Variants in EPB41L5 observed in about 807,000 individuals in gnomAD.
EPB41L5 encodes band 4.1-like protein 5.
EPB41L5 carries 55 observed loss-of-function variants against 106.6 expected under a neutral mutation model. The ratio of observed to expected loss-of-function variants is 0.52; its 90% confidence interval spans 0.42 to 0.65. The LOEUF (loss-of-function observed/expected upper bound fraction) is 0.65. Ranked by LOEUF, EPB41L5 falls within the 30% of genes least tolerant of loss-of-function variation. The pLI is 0.00. For missense variants in EPB41L5, 871 were observed against 882.1 expected (o/e 0.99, Z 0.16); for synonymous variants, 297 against 306.7 (o/e 0.97, Z 0.33).
chr2:120,105,421 G>C, intron 16 of EPB41L5: 2 of 984,916 alleles, frequency 2.0e-6, no homozygotes, highest in Non-Finnish European at 2.4e-6. Flanking sequence ...TGCTCACATA[G>C]AGGTTGGTTT....
chr2:120,093,686 A>G (rs1161318529), intron 14 of EPB41L5, among the ~76,000 whole-genome samples: 2 of 152,166 alleles, frequency 1.3e-5, no homozygotes, highest in Non-Finnish European at 2.9e-5. Context: ...GCTGGATTTC[A>G]TTAGCCTGGT....
chr2:120,093,196 A>G (rs1683528005), intron 13 of EPB41L5, 53 bp from the exon 14 acceptor site: 2 of 1,450,954 alleles, frequency 1.4e-6, no homozygotes, highest in Non-Finnish European at 1.9e-6. Context: ...ATAGTGCAGC[A>G]GTTTATCATG....
chr2:120,167,437 G>A, intron 22 of EPB41L5, 29 bp from the exon 23 acceptor site: 2 of 1,596,324 alleles, frequency 1.3e-6, no homozygotes, highest in Non-Finnish European at 1.7e-6. Context: ...TTTCCAAAAA[G>A]TAAATACATA....
At chr2:120,147,194 T>TA (rs1020105097) in intron 20 of EPB41L5, among the ~76,000 whole-genome samples, 19 of 152,030 alleles carry the variant, frequency 1.2e-4, no homozygotes, top group African/African-American at 4.6e-4. Context: ...CAATTAAAAA[T>TA]AAAAAATTAG....
intron 16 of EPB41L5, among the ~76,000 whole-genome samples, chr2:120,122,678 T>G: frequency 6.6e-6 from 1 of 152,218 alleles, no homozygotes; most frequent in Non-Finnish European, 1.5e-5. Context: ...TGGTTCCATA[T>G]GAACTTTAAA....
At chr2:120,085,642 A>G (rs1211230531) in intron 10 of EPB41L5, among the ~76,000 whole-genome samples, 1 of 152,104 alleles carries the variant, frequency 6.6e-6, no homozygotes, top group Admixed American at 6.5e-5. Flanking sequence ...GTAGTATTTC[A>G]TTTAGTTTTG....
intron 24 of EPB41L5, among the ~76,000 whole-genome samples, 197 bp from the exon 25 acceptor site, chr2:120,174,644 A>C (rs1436553312): frequency 6.6e-6 from 1 of 152,232 alleles, no homozygotes; most frequent in Non-Finnish European, 1.5e-5. Flanking sequence ...TTTATTTCAA[A>C]ATGAAATAAG....
At position 120,049,490 on chromosome 2, in the gene EPB41L5, C is replaced by CT. The variant is rs555913522; in HGVS notation, c.285+7389dup. Among the ~76,000 whole-genome samples, 1,180 of 151,274 alleles carry CT rather than the reference C, an allele frequency of 7.8e-3. 12 individuals carry two copies. Among genetic ancestry groups the CT allele is most frequent in the African/African-American group, 0.027 (1,111 of 41,276 alleles). ...TCAGAGAGTAGGATTGCAACCCCTG[C>CT]TTTTTTTTTGTTTTCCATTTGCTTG... is the stretch of plus-strand genomic sequence containing the variant. On this transcript the variant is annotated intron_variant, in intron 3 of 24. Transcript: ENST00000263713.
chr2:120,167,634 T>G lies in EPB41L5; in HGVS notation c.2004+127T>G, dbSNP rs73952057. ...TTATCAAAGCCTTGTTAACTGAACT[T>G]AACTTAATGGCTTCAAGCTAGTGGC... On this transcript the variant is annotated intron_variant, in intron 23 of 24. Transcript: ENST00000263713. 3,715 of 1,103,628 alleles carry G rather than the reference T, an allele frequency of 3.4e-3. 58 individuals are homozygous for G. The African/African-American group carries it at 0.038, about 11-fold the overall frequency. The allele number at this position is 1,103,628 out of a possible 1,614,324, so 68.4% of individuals were successfully genotyped here. A position where few individuals can be genotyped will look rare whatever the true frequency, so the allele number is the denominator to read the frequency against.
At chr2:120,098,276 C>G (rs1683901582) in intron 14 of EPB41L5, among the ~76,000 whole-genome samples, 1 of 151,718 alleles carries the variant, frequency 6.6e-6, no homozygotes, top group Non-Finnish European at 1.5e-5. Context: ...GTGGCATCAT[C>G]ATGGCTCACT....
chr2:120,104,036 C>G, intron 16 of EPB41L5: 3 of 1,507,942 alleles, frequency 2.0e-6, no homozygotes, highest in African/African-American at 1.4e-5. Context: ...AACTGTGCTC[C>G]CCTCCCACTC....
In EPB41L5 at chr2:120,125,389, A is replaced by G. The variant is rs142173812; in HGVS notation, c.1338-2299A>G. ...GCCCCAGGCAACTTACTGAGTTTGG[A>G]CCTCTCATTGCTAAGGGAGGCACTT... On this transcript the variant is annotated intron_variant, in intron 16 of 24. Coordinates refer to ENST00000263713, the MANE Select transcript of EPB41L5 (RefSeq NM_020909.4). Among the ~76,000 whole-genome samples the G allele has an allele frequency of 8.5e-4, 130 of 152,100 alleles. No homozygotes were observed. The Middle Eastern group carries it at 0.017, about 20-fold the overall frequency.
chr2:120,143,055 C>A lies in EPB41L5; in HGVS notation c.1652C>A (p.Pro551Gln). 6.2e-7 allele frequency: 1 copy of A among 1,612,382 alleles called. No individual in the cohort carries two copies. Among genetic ancestry groups the A allele is most frequent in the South Asian group, 1.1e-5 (1 of 90,924 alleles). Residue 551 changes from proline to glutamine, a missense_variant, in exon 19 of 25, where the codon CCA becomes CAA. By Grantham distance (76) the Pro-to-Gln change is moderately conservative. Coordinates refer to ENST00000263713, the MANE Select transcript of EPB41L5 (RefSeq NM_020909.4). ...EKCLNNVIES[P>Q]GLNVMRVPPD... ...TGCCTTAATAATGTCATTGAGAGCC[C>A]AGGATTGAATGTCATGAGAGTTCCT...
chr2:120,162,600 A>G (rs561813375), intron 21 of EPB41L5, among the ~76,000 whole-genome samples: 5 of 152,360 alleles, frequency 3.3e-5, no homozygotes, highest in Admixed American at 2.6e-4. Flanking sequence ...TACATTGACT[A>G]ATCATTGGAA....
chr2:120,148,037 C>T (rs757854288), intron 20 of EPB41L5, among the ~76,000 whole-genome samples: 1 of 152,026 alleles, frequency 6.6e-6, no homozygotes, highest in Non-Finnish European at 1.5e-5. Context: ...GTATTTTAGG[C>T]ACAGAGACAC....
intron 10 of EPB41L5, among the ~76,000 whole-genome samples, chr2:120,080,227 T>C (rs958407117): frequency 2.6e-5 from 4 of 152,096 alleles, no homozygotes; most frequent in African/African-American, 9.7e-5. Flanking sequence ...TCATTTACAT[T>C]AGGTATATCT....
chr2:120,028,570 G>A (rs1490839936), intron 2 of EPB41L5, among the ~76,000 whole-genome samples: 3 of 152,036 alleles, frequency 2.0e-5, no homozygotes, highest in Admixed American at 6.6e-5. Flanking sequence ...GAGGTGATAT[G>A]CTTGATTTGT....
chr2:120,044,106 C>T (rs1194829443), intron 3 of EPB41L5, among the ~76,000 whole-genome samples: 1 of 148,794 alleles, frequency 6.7e-6, no homozygotes, highest in African/African-American at 2.5e-5. Context: ...TGCCACTGCA[C>T]TCTAGTCTGG....
chr2:120,064,452 G>T (rs983419252), intron 3 of EPB41L5, among the ~76,000 whole-genome samples: 1 of 152,174 alleles, frequency 6.6e-6, no homozygotes, highest in Non-Finnish European at 1.5e-5. Flanking sequence ...TAACAATAGG[G>T]TCTGGGGTGA....
Sources: gnomAD v4.1 joint callset for allele counts (sites outside exome capture counted in the v4.1 genomes callset) on GRCh38, gnomAD v4.1.1 for gene constraint, MANE v1.5 for transcripts, NCBI Gene and HGNC (gene_info 2026-07-23, HGNC 2026-07-21) for gene names.